DPP6: variants seen among roughly 807,000 people sequenced by gnomAD.
DPP6 encodes the protein dipeptidyl peptidase like 6, also known as A-type potassium channel modulatory protein DPP6.
Under a neutral mutation model 122.6 loss-of-function variants are expected in DPP6, and 69 were observed. That is an observed-to-expected ratio of 0.56 (90% CI 0.46 to 0.69). The LOEUF is 0.69. Among genes scored for constraint, DPP6 ranks in the 30% least tolerant of loss-of-function variants. DPP6 has a pLI of 0.00. For synonymous variants in DPP6, 418 were observed against 433.1 expected, an observed-to-expected ratio of 0.97 and a Z score of 0.43; for missense variants, 928 against 1,116.9, an observed-to-expected ratio of 0.83 and a Z score of 2.41.
chr7:154,219,640 G>A (rs1800192450), intron 1 of DPP6, among the ~76,000 whole-genome samples: 1 of 151,720 alleles, frequency 6.6e-6, no homozygotes, highest in Admixed American at 6.6e-5. Flanking sequence ...AGGCTGGTGT[G>A]CAGTGGCATG....
chr7:154,666,371 A>G (rs1387592592), intron 6 of DPP6, among the ~76,000 whole-genome samples: 2 of 151,800 alleles, frequency 1.3e-5, no homozygotes, highest in African/African-American at 4.8e-5. Context: ...GGGTTTTATA[A>G]ATTGACAAAT....
chr7:154,221,404 G>A (rs1390705554), intron 1 of DPP6, among the ~76,000 whole-genome samples: 2 of 152,128 alleles, frequency 1.3e-5, no homozygotes, highest in Admixed American at 6.5e-5. Flanking sequence ...GCCTCCCAAA[G>A]TGCTGGGATT....
At chr7:154,737,762 G>C (rs1842636965) in intron 8 of DPP6, among the ~76,000 whole-genome samples, 1 of 152,200 alleles carries the variant, frequency 6.6e-6, no homozygotes, top group South Asian at 2.1e-4. Flanking sequence ...AGATGTGTCT[G>C]CTCAATGCCC....
intron 1 of DPP6, among the ~76,000 whole-genome samples, chr7:154,060,306 G>A (rs1347303948): frequency 1.2e-4 from 16 of 136,922 alleles, no homozygotes; most frequent in Admixed American, 5.0e-4. Flanking sequence ...TCCCCCCCTG[G>A]CTCTTAGGAC....
At chr7:154,093,620 C>CCAT (rs1443763226) in intron 1 of DPP6, 1 of 143,354 alleles carries the variant, frequency 7.0e-6, no homozygotes, top group Non-Finnish European at 1.5e-5. Flanking sequence ...CATACACACA[C>CCAT]ACACACACAC....
chr7:154,696,367 G>A (rs542256515), intron 7 of DPP6, among the ~76,000 whole-genome samples: 1 of 152,182 alleles, frequency 6.6e-6, no homozygotes, highest in East Asian at 1.9e-4. Flanking sequence ...AGTGAGTTCA[G>A]CCCTGGTCTG....
At chr7:154,844,083 G>A (rs1351340109) in intron 16 of DPP6, among the ~76,000 whole-genome samples, 1 of 152,250 alleles carries the variant, frequency 6.6e-6, no homozygotes, top group East Asian at 1.9e-4. Flanking sequence ...GCTAAGTGGA[G>A]TCCTAAGGTT....
chr7:154,343,155 T>G (rs777984175), intron 1 of DPP6, among the ~76,000 whole-genome samples: 5 of 152,218 alleles, frequency 3.3e-5, no homozygotes, highest in Non-Finnish European at 7.3e-5. Flanking sequence ...AACTGCTGCT[T>G]CCGTGTTCCC....
In DPP6 at chr7:153,932,310, G is replaced by A. The variant is rs975863578; in HGVS notation, c.51+44576G>A. On this transcript the variant is annotated intron_variant, in intron 1 of 25. Transcript: ENST00000404039. ...TAATTTTTGTATTTTTAGTAGACACGGGGTTTCACCATGTTGACCAGGGTG... is the reference window on the plus strand; with the variant it reads ...TAATTTTTGTATTTTTAGTAGACACAGGGTTTCACCATGTTGACCAGGGTG... 1.4e-4 allele frequency among the ~76,000 whole-genome samples: 21 copies of A among 151,786 alleles called. 1 individual carries two copies. The highest frequency in any genetic ancestry group is 1.3e-3 in the Admixed American group (20 of 15,220).
At chr7:154,652,637 G>A (rs184947370) in intron 6 of DPP6, among the ~76,000 whole-genome samples, 1 of 152,190 alleles carries the variant, frequency 6.6e-6, no homozygotes, top group Admixed American at 6.5e-5. Flanking sequence ...GCTGCTACAT[G>A]TGCACCATGT....
At chr7:154,431,370 C>G (rs1431525974) in intron 1 of DPP6, among the ~76,000 whole-genome samples, 2 of 152,184 alleles carry the variant, frequency 1.3e-5, no homozygotes, top group Non-Finnish European at 2.9e-5. Context: ...GAAGAACACT[C>G]CAGGCCCCCA....
At chr7:154,312,682 G>A (rs568865965) in intron 1 of DPP6, among the ~76,000 whole-genome samples, 25 of 152,300 alleles carry the variant, frequency 1.6e-4, no homozygotes, top group African/African-American at 6.0e-4. Context: ...ACACCGTGGT[G>A]ATGGCGGGGC....
rs1453659760 is a variant in DPP6 at position 154,666,192 on chromosome 7, T to TACACACAC, written c.681-3167_681-3166insCACACACA. ...ACATACATATATGTGTGTATATATA[T>TACACACAC]ATATATATACACATATACATACATA... On this transcript the variant is annotated intron_variant, in intron 6 of 25. Transcript: ENST00000377770. Among the ~76,000 whole-genome samples the TACACACAC allele has an allele frequency of 1.8e-4, 12 of 66,114 alleles. No individual in the cohort carries two copies. The Admixed American group carries it at 1.9e-3, about 11-fold the overall frequency. The allele number at this position is 66,114 out of a possible 152,430, so 43.4% of individuals were successfully genotyped here.
the DPP6 span, among the ~76,000 whole-genome samples, chr7:153,843,265 CACGCAT>C: frequency 8.2e-6 from 1 of 121,640 alleles, no homozygotes; most frequent in Non-Finnish European, 1.8e-5. Context: ...TACAGACACA[CACGCAT>C]GCGCGCGCGC....
intron 1 of DPP6, among the ~76,000 whole-genome samples, chr7:154,022,341 T>G (rs893370347): frequency 1.8e-4 from 28 of 152,132 alleles, no homozygotes; most frequent in African/African-American, 6.8e-4. Flanking sequence ...AAGCAACAGA[T>G]AGATGGTTTA....
At chr7:153,842,810 G>T in the DPP6 span, among the ~76,000 whole-genome samples, 1 of 152,158 alleles carries the variant, frequency 6.6e-6, no homozygotes, top group African/African-American at 2.4e-5. Flanking sequence ...CTCAGAAATA[G>T]ATCTAAGTAT....
At position 154,663,693 on chromosome 7, in the gene DPP6, A is replaced by G. The variant is rs4960705; in HGVS notation, c.681-5667A>G. Among the ~76,000 whole-genome samples, 122 of 23,126 alleles carry G rather than the reference A, an allele frequency of 5.3e-3. 3 individuals carry two copies. Among genetic ancestry groups the G allele is most frequent in the Non-Finnish European group, 9.7e-3 (52 of 5,358 alleles). The allele number at this position is 23,126 out of a possible 152,430, so 15.2% of individuals were successfully genotyped here. ...TATAGTCATGGTGAATCACCATGGC[A>G]TATCGGCCGTAGTGTTCATATAGTC... On this transcript the variant is annotated intron_variant, in intron 6 of 25. Coordinates refer to ENST00000377770, the MANE Select transcript of DPP6 (RefSeq NM_130797.4).
rs572452830 is a variant in DPP6 at position 153,991,459 on chromosome 7, A to G, written c.51+103725A>G. Among the ~76,000 whole-genome samples, 7 of 152,304 alleles carry G rather than the reference A, an allele frequency of 4.6e-5. No homozygotes were observed. The South Asian group carries it at 1.2e-3, about 27-fold the overall frequency. On this transcript the variant is annotated intron_variant, in intron 1 of 25. Coordinates refer to the DPP6 transcript ENST00000404039. ...TTTGTAGGTTTTTAGTAACTATTCT[A>G]ACAGAAATGTATTTGTAGCTAAAAA... is the stretch of plus-strand genomic sequence containing the variant.
chr7:153,975,403 A>G (rs1296566503), intron 1 of DPP6, among the ~76,000 whole-genome samples: 2 of 149,788 alleles, frequency 1.3e-5, no homozygotes, highest in African/African-American at 2.5e-5. Flanking sequence ...CTATTAGAGA[A>G]ATTTTACCAA....
Sources: gnomAD v4.1 joint callset for allele counts (sites outside exome capture counted in the v4.1 genomes callset) on GRCh38, gnomAD v4.1.1 for gene constraint, MANE v1.5 for transcripts, NCBI Gene and HGNC (gene_info 2026-07-23, HGNC 2026-07-21) for gene names.